The following FANCB variants were observed in gnomAD, a reference collection of about 807,000 sequenced individuals.
The protein encoded by FANCB is Fanconi anemia group B protein.
In FANCB, 5 loss-of-function variants were observed where a neutral mutation model predicts 38.9. The observed-to-expected ratio is 0.13, with a 90% CI of 0.07 to 0.27. FANCB has a LOEUF of 0.27. FANCB is among the 10% of genes least tolerant of loss of function. The pLI is 1.00. For missense variants in FANCB, 573 were observed against 602.7 expected (o/e 0.95, Z 0.52); for synonymous variants, 236 against 215.4 (o/e 1.10, Z -0.84).
intron 6 of FANCB, among the ~76,000 whole-genome samples, chrX:14,852,199 G>A (rs1419786870): frequency 2.9e-5 from 3 of 102,418 alleles, no homozygotes; most frequent in Non-Finnish European, 3.9e-5. Flanking sequence ...ACGGAGTTTC[G>A]CTCTTGTCAC....
chrX:14,808,414 C>A, the FANCB span, among the ~76,000 whole-genome samples: 1 of 111,555 alleles, frequency 9.0e-6, no homozygotes, highest in Non-Finnish European at 1.9e-5. Context: ...TCAGCATATG[C>A]AGATCAATCA....
At chrX:14,792,620 A>G in the FANCB span, among the ~76,000 whole-genome samples, 1 of 112,173 alleles carries the variant, frequency 8.9e-6, no homozygotes, top group Non-Finnish European at 1.9e-5. Context: ...CTTACATAAT[A>G]TTTTCACTTA....
rs748392793 is a variant in FANCB, at chrX:14,843,708, T to G, written c.2439A>C (p.Arg813Ser). 4.1e-6 allele frequency: 5 copies of G among 1,211,249 alleles called. No individual in the cohort carries two copies. The highest frequency in any genetic ancestry group is 5.6e-6 in the Non-Finnish European group (5 of 895,148). The change falls in exon 10 of 10, where the codon AGA becomes AGC. Residue 813 changes from arginine to serine, a missense_variant. By Grantham distance (110) the Arg-to-Ser change is moderately radical (BLOSUM62 -1). Transcript: ENST00000650831. ...SDRRENIHPY[R>S]KELQREKKKM... Reference sequence around the variant, plus strand: ...TCTTCTTTTCTCTCTGAAGTTCTTTTCTGTAGGGATGGATATTTTCCCTTC... The same window carrying G: ...TCTTCTTTTCTCTCTGAAGTTCTTTGCTGTAGGGATGGATATTTTCCCTTC...
the FANCB span, among the ~76,000 whole-genome samples, chrX:14,732,938 C>A: frequency 8.9e-6 from 1 of 112,121 alleles, no homozygotes; most frequent in Non-Finnish European, 1.9e-5. Context: ...GTGTTTTAGT[C>A]ATGAAGTCTT....
chrX:14,716,283 G>A, the FANCB span, among the ~76,000 whole-genome samples: 1 of 111,332 alleles, frequency 9.0e-6, no homozygotes, highest in South Asian at 3.8e-4. Flanking sequence ...TTTTAAAGAT[G>A]AGGAAATTGA....
chrX:14,729,039 CTTG>C, the FANCB span, among the ~76,000 whole-genome samples: 1 of 112,226 alleles, frequency 8.9e-6, no homozygotes, highest in African/African-American at 3.2e-5. Context: ...ACAAATTGTC[CTTG>C]TTGTACCATT....
the FANCB span, among the ~76,000 whole-genome samples, chrX:14,822,766 T>TA: frequency 9.0e-6 from 1 of 111,497 alleles, no homozygotes; most frequent in Non-Finnish European, 1.9e-5. Context: ...TTAAGGGAAA[T>TA]AACTTTCTTC....
chrX:14,805,789 G>C, the FANCB span, among the ~76,000 whole-genome samples: 161 of 111,822 alleles, frequency 1.4e-3, no homozygotes, highest in Non-Finnish European at 2.4e-3. Flanking sequence ...CTGCCCACAA[G>C]ATACTTACCA....
chrX:14,838,220 C>T (rs951525798), intron 10 of FANCB, among the ~76,000 whole-genome samples: 1 of 111,982 alleles, frequency 8.9e-6, no homozygotes, highest in Non-Finnish European at 1.9e-5. Flanking sequence ...TATTATCCAC[C>T]ATGCCATAGA....
chrX:14,776,808 G>A, the FANCB span, among the ~76,000 whole-genome samples: 1 of 112,572 alleles, frequency 8.9e-6, no homozygotes, highest in Non-Finnish European at 1.9e-5. Context: ...TATCTTGCAG[G>A]TGTGCCATTC....
At chrX:14,774,059 C>A in the FANCB span, among the ~76,000 whole-genome samples, 1 of 111,746 alleles carries the variant, frequency 8.9e-6, no homozygotes, top group African/African-American at 3.3e-5. Context: ...TAATAAATGC[C>A]TACTACTTAA....
chrX:14,757,991 G>C, the FANCB span, among the ~76,000 whole-genome samples: 1 of 111,612 alleles, frequency 9.0e-6, no homozygotes, highest in Non-Finnish European at 1.9e-5. Context: ...TCCACTGACT[G>C]GAAATAAACT....
At chrX:14,827,634 C>T in the FANCB span, among the ~76,000 whole-genome samples, 1 of 111,995 alleles carries the variant, frequency 8.9e-6, no homozygotes, top group African/African-American at 3.2e-5. Flanking sequence ...ACGAAGGCTG[C>T]TCTCATTGAG....
Position 14,845,075 on chromosome X carries a change from A to G in FANCB, c.1708T>C (p.Ser570Pro), listed in dbSNP as rs1378850468. ...ATTATCTGTACACACTCTTTCTTAG[A>G]TGGGTGTTCACAAACAAAGCTTTCC... The part of the protein sequence containing the change: ...KEESFVCEHP[S>P]KKECVQIITA... The change falls in exon 8 of 10, where the codon TCT becomes CCT. Residue 570 changes from serine (S) to proline (P), a missense_variant. Ser to Pro is a moderately conservative substitution (Grantham distance 74, BLOSUM62 -1). Transcript: ENST00000650831. The G allele has an allele frequency of 8.3e-7, 1 of 1,208,498 alleles. No homozygotes were observed. Among genetic ancestry groups the G allele is most frequent in the Admixed American group, 2.2e-5 (1 of 46,051 alleles).
In FANCB at chrX:14,843,899, C is replaced by T; in HGVS notation, c.2248G>A (p.Gly750Arg). 8.3e-7 allele frequency: 1 copy of T among 1,205,953 alleles called. No individual in the cohort carries two copies. Among genetic ancestry groups the T allele is most frequent in the Non-Finnish European group, 1.1e-6 (1 of 891,481 alleles). ...INCFLKNLKS[G>R]SENFLIDNMA... ...TTATCAATTAGGAAATTCTCACTTC[C>T]TGATTTTAGATTTTTGAGGAAACAG... The change falls in exon 10 of 10, where the codon GGA becomes AGA. Residue 750 changes from glycine (G) to arginine (R), a missense_variant. Coordinates refer to ENST00000650831, the MANE Select transcript of FANCB (RefSeq NM_001018113.3).
the FANCB span, among the ~76,000 whole-genome samples, chrX:14,822,574 T>A: frequency 9.2e-6 from 1 of 108,794 alleles, no homozygotes; most frequent in South Asian, 4.0e-4. Context: ...AAAAGTAGTC[T>A]TTACTTTCTA....
chrX:14,846,498 A>G (rs2092377681), intron 7 of FANCB, among the ~76,000 whole-genome samples: 1 of 112,099 alleles, frequency 8.9e-6, no homozygotes, highest in Non-Finnish European at 1.9e-5. Flanking sequence ...TAATAAATAA[A>G]GAAGCAGTAA....
At chrX:14,704,927 G>A in the FANCB span, among the ~76,000 whole-genome samples, 142 of 112,142 alleles carry the variant, frequency 1.3e-3, 1 homozygote, top group Middle Eastern at 4.7e-3. Context: ...AGAACCATAA[G>A]AGAGTTATAG....
chrX:14,788,041 C>G, the FANCB span, among the ~76,000 whole-genome samples: 39 of 106,297 alleles, frequency 3.7e-4, no homozygotes, highest in African/African-American at 1.3e-3. Context: ...AGAAATCTGG[C>G]TAGACTGTGT....
Sources: allele counts gnomAD v4.1 joint callset (sites outside exome capture counted in the v4.1 genomes callset), GRCh38; gene constraint gnomAD v4.1.1; transcripts MANE v1.5; gene names NCBI Gene and HGNC (gene_info 2026-07-23, HGNC 2026-07-21).